The following PYHIN1 variants were observed in gnomAD, a reference collection of about 807,000 sequenced individuals.
PYHIN1 encodes pyrin and HIN domain family member 1, also known as pyrin and HIN domain-containing protein 1.
A neutral mutation model predicts 43.7 loss-of-function variants in PYHIN1; 32 were observed. The ratio of observed to expected loss-of-function variants is 0.73; its 90% CI spans 0.55 to 0.98. The LOEUF (loss-of-function observed/expected upper bound fraction) is 0.98, where lower values mean the gene tolerates loss of function less well. Among genes scored for constraint, PYHIN1 ranks in the 50% least tolerant of loss-of-function variants. The pLI is 0.00. For missense variants in PYHIN1, 588 were observed against 589.5 expected, an observed-to-expected ratio of 1.00 and a Z score of 0.03; for synonymous variants, 205 against 203.1, an observed-to-expected ratio of 1.01 and a Z score of -0.08.
chr1:158,959,186 C>A (rs560001504), intron 7 of PYHIN1, among the ~76,000 whole-genome samples: 1 of 150,016 alleles, frequency 6.7e-6, no homozygotes, highest in Admixed American at 6.7e-5. Flanking sequence ...GACCCAACGA[C>A]GGATGAATAA....
chr1:158,982,657 G>A, the PYHIN1 span, among the ~76,000 whole-genome samples: 151 of 152,182 alleles, frequency 9.9e-4, no homozygotes, highest in African/African-American at 3.5e-3. Flanking sequence ...TTTTAGAATA[G>A]TTTTTCTAAT....
chr1:158,953,974 T>A (rs575017923), intron 7 of PYHIN1, among the ~76,000 whole-genome samples: 69 of 126,254 alleles, frequency 5.5e-4, no homozygotes, highest in African/African-American at 2.0e-3. Flanking sequence ...CAGGAGCCGA[T>A]GCGATCAACT....
chr1:158,985,290 CA>C, the PYHIN1 span, among the ~76,000 whole-genome samples: 2 of 152,118 alleles, frequency 1.3e-5, no homozygotes, highest in Non-Finnish European at 2.9e-5. Flanking sequence ...TGGCAGGTAG[CA>C]GCCTTTTGTT....
chr1:158,971,301 A>AAGGAC (rs1650917874), intron 7 of PYHIN1, among the ~76,000 whole-genome samples: 1 of 151,902 alleles, frequency 6.6e-6, no homozygotes, highest in Non-Finnish European at 1.5e-5. Flanking sequence ...GAATGTCCTT[A>AAGGAC]ATTATTTTCC....
the PYHIN1 span, among the ~76,000 whole-genome samples, chr1:158,986,544 T>C: frequency 6.6e-6 from 1 of 152,176 alleles, no homozygotes; most frequent in African/African-American, 2.4e-5. Context: ...GCAAAAATGC[T>C]TTGGTGGGAC....
At chr1:158,987,770 A>T in the PYHIN1 span, among the ~76,000 whole-genome samples, 1 of 152,172 alleles carries the variant, frequency 6.6e-6, no homozygotes, top group African/African-American at 2.4e-5. Context: ...TAGTTGTCCC[A>T]GTATAATTTC....
intron 7 of PYHIN1, among the ~76,000 whole-genome samples, chr1:158,970,964 T>A (rs1047159503): frequency 2.0e-5 from 3 of 152,096 alleles, no homozygotes; most frequent in Non-Finnish European, 4.4e-5. Flanking sequence ...GAAAGATTCA[T>A]ATTCAACTTA....
intron 3 of PYHIN1, 134 bp downstream of exon 3, chr1:158,938,676 T>C: frequency 1.2e-6 from 1 of 838,450 alleles, no homozygotes; most frequent in Non-Finnish European, 1.7e-6. Flanking sequence ...TCAAATTACA[T>C]AATAATTGAT....
chr1:158,960,542 A>G (rs1024890585), intron 7 of PYHIN1, among the ~76,000 whole-genome samples: 1 of 152,142 alleles, frequency 6.6e-6, no homozygotes, highest in Non-Finnish European at 1.5e-5. Flanking sequence ...TCCAACTACC[A>G]CCCGAAAAAA....
rs1319461478 is a variant in PYHIN1, at chr1:158,934,696, T to C, written c.-20-2195T>C. Reference sequence around the variant, plus strand: ...ATTACACAAGAGGTACACAAATACATGTTTTCTATAATTAAAATATTTGTT... The same window carrying C: ...ATTACACAAGAGGTACACAAATACACGTTTTCTATAATTAAAATATTTGTT... On this transcript the variant is annotated intron_variant, in intron 1 of 8. Coordinates refer to ENST00000368140, the MANE Select transcript of PYHIN1 (RefSeq NM_152501.5). 1.6e-4 allele frequency among the ~76,000 whole-genome samples: 24 copies of C among 152,132 alleles called. 1 individual carries two copies.
Position 158,950,880 on chromosome 1 carries a change from C to A in PYHIN1, c.1359+5838C>A, listed in dbSNP as rs1649492034. ...AATTGTGAGCTGGCATAAGCTGGACCATTATCAGTTTTAATTTTTGTGGGC... is the reference window on the plus strand; with the variant it reads ...AATTGTGAGCTGGCATAAGCTGGACAATTATCAGTTTTAATTTTTGTGGGC... On this transcript the variant is annotated intron_variant, in intron 7 of 8. Coordinates refer to ENST00000368140, the MANE Select transcript of PYHIN1 (RefSeq NM_152501.5). 2.0e-5 allele frequency among the ~76,000 whole-genome samples: 3 copies of A among 152,124 alleles called. No individual in the cohort carries two copies. In the South Asian group the frequency reaches 6.2e-4, roughly 31 times the overall value.
At chr1:158,973,291 T>C (rs895266871) in intron 7 of PYHIN1, among the ~76,000 whole-genome samples, 1 of 152,122 alleles carries the variant, frequency 6.6e-6, no homozygotes, top group African/African-American at 2.4e-5. Flanking sequence ...CTGAAGAGTG[T>C]CTACAGATTT....
In PYHIN1 at chr1:158,970,286, T is replaced by C. The variant is rs558154858; in HGVS notation, c.1360-3361T>C. ...GAAAATGTTTTTGTTTATATTTTAT[T>C]ATGTATATTTGTTAATGATTTAGGG... On this transcript the variant is annotated intron_variant, in intron 7 of 8. Transcript: ENST00000368140. Among the ~76,000 whole-genome samples the C allele has an allele frequency of 1.9e-3, 282 of 152,142 alleles. 3 individuals carry two copies. Among genetic ancestry groups the C allele is most frequent in the African/African-American group, 5.9e-3 (246 of 41,556 alleles).
In PYHIN1 at chr1:158,944,952, A is replaced by G. The variant is rs755216554; in HGVS notation, c.1269A>G (p.Lys423=). The G allele has an allele frequency of 6.2e-7, 1 of 1,613,772 alleles. No individual in the cohort carries two copies. Among genetic ancestry groups the G allele is most frequent in the South Asian group, 1.1e-5 (1 of 91,044 alleles). Residue 423 remains lysine, a synonymous_variant, in exon 7 of 9, where the codon AAA becomes AAG. Coordinates refer to ENST00000368140, the MANE Select transcript of PYHIN1 (RefSeq NM_152501.5). ...ALPQEQSQHP[K]PSEASTTLPE... ...CCCAGGAACAGAGTCAGCATCCAAA[A>G]CCTTCAGAGGCCAGCACAACCCTAC...
intron 7 of PYHIN1, among the ~76,000 whole-genome samples, chr1:158,948,934 C>T (rs550795527): frequency 7.2e-5 from 11 of 152,062 alleles, no homozygotes; most frequent in African/African-American, 2.2e-4. Context: ...GTCACAAAGG[C>T]GGAGTTTTGG....
chr1:158,951,444 C>T, intron 7 of PYHIN1, among the ~76,000 whole-genome samples: 1 of 152,146 alleles, frequency 6.6e-6, no homozygotes, highest in East Asian at 1.9e-4. Context: ...ATAGAGTAAG[C>T]AGAATCGCTA....
chr1:158,948,080 G>T (rs1440757956), intron 7 of PYHIN1, among the ~76,000 whole-genome samples: 4 of 152,152 alleles, frequency 2.6e-5, no homozygotes, highest in East Asian at 1.9e-4. Context: ...TTCTGCATCA[G>T]GTTCTCTTGA....
chr1:158,980,953 T>C (rs2101749615), downstream of PYHIN1, among the ~76,000 whole-genome samples: 1 of 152,276 alleles, frequency 6.6e-6, no homozygotes, highest in South Asian at 2.1e-4. Flanking sequence ...GTCCTACCGA[T>C]ACATGAAGTC....
intron 3 of PYHIN1, 55 bp from the exon 4 acceptor site, chr1:158,939,025 G>T: frequency 2.3e-6 from 3 of 1,325,538 alleles, no homozygotes. Flanking sequence ...ATGAAAATGT[G>T]CTCTGCTTCA....
Sources: allele counts gnomAD v4.1 joint callset (sites outside exome capture counted in the v4.1 genomes callset), GRCh38; gene constraint gnomAD v4.1.1; transcripts MANE v1.5; gene names NCBI Gene and HGNC (gene_info 2026-07-23, HGNC 2026-07-21).